The following STK38L variants were observed in gnomAD, a reference collection of about 807,000 sequenced individuals.
STK38L encodes the protein serine/threonine-protein kinase 38-like.
In STK38L, 28 loss-of-function variants were observed where a neutral mutation model predicts 59.7. The ratio of observed to expected loss-of-function variants is 0.47; its 90% CI spans 0.35 to 0.64. STK38L has a LOEUF of 0.64. Among genes scored for constraint, STK38L ranks in the 30% least tolerant of loss-of-function variants. The pLI, the probability that STK38L is intolerant of heterozygous loss-of-function variation, is 0.01. For synonymous variants in STK38L, 162 were observed against 176.8 expected (o/e 0.92, Z 0.66); for missense variants, 314 against 555.8 (o/e 0.56, Z 4.37).
chr12:27,318,070 G>A (rs947767575), intron 11 of STK38L, 51 bp downstream of exon 11: 8 of 1,602,588 alleles, frequency 5.0e-6, no homozygotes, highest in Non-Finnish European at 6.8e-6. Context: ...AACTTCCTAA[G>A]AACCTAAAAG....
chr12:27,325,499 G>C lies in STK38L; in HGVS notation c.*3044G>C, dbSNP rs1944819688. 1 of 152,110 alleles carries C rather than the reference G, an allele frequency of 6.6e-6. No individual in the cohort carries two copies. Among genetic ancestry groups the C allele is most frequent in the Non-Finnish European group, 1.5e-5 (1 of 67,994 alleles). 9.4% of individuals were successfully genotyped at this position (152,110 alleles called of 1,614,324 possible). A position where few individuals can be genotyped will look rare whatever the true frequency, so the allele number is the denominator to read the frequency against. ...TTGCTGATCTACAAATAAATGAATT[G>C]AGAATTTAGTCCATAGAGGTCCCTG... On this transcript the variant is annotated 3_prime_UTR_variant, in exon 14 of 14. Coordinates refer to ENST00000389032, the MANE Select transcript of STK38L (RefSeq NM_015000.4).
At chr12:27,282,385 A>T (rs1454491193) in intron 1 of STK38L, among the ~76,000 whole-genome samples, 1 of 152,224 alleles carries the variant, frequency 6.6e-6, no homozygotes, top group African/African-American at 2.4e-5. Context: ...TTGTTCAATT[A>T]TAGTTGGAAT....
intron 7 of STK38L, 54 bp from the exon 8 acceptor site, chr12:27,314,961 A>C (rs1048216573): frequency 1.5e-6 from 2 of 1,377,628 alleles, no homozygotes; most frequent in Admixed American, 4.4e-5. Flanking sequence ...GTTTATAACA[A>C]GGCTTTTTGT....
rs1003770886 is a variant in STK38L at position 27,308,092 on chromosome 12, A to G, written c.187-247A>G. Among the ~76,000 whole-genome samples the G allele has an allele frequency of 1.4e-5, 1 of 73,092 alleles. No individual in the cohort carries two copies. The highest frequency in any genetic ancestry group is 5.7e-5 in the African/African-American group (1 of 17,622). 48.0% of individuals were successfully genotyped at this position (73,092 alleles called of 152,430 possible). A position where few individuals can be genotyped will look rare whatever the true frequency, so the allele number is the denominator to read the frequency against. ...TACCATATAGATGAAAGAATAAGTTATACATATATATATATATAGACAAAT... is the reference window on the plus strand; with the variant it reads ...TACCATATAGATGAAAGAATAAGTTGTACATATATATATATATAGACAAAT... On this transcript the variant is annotated intron_variant, in intron 3 of 13. Transcript: ENST00000389032. The surrounding 1 kb of genome is among the most constrained non-coding windows in gnomAD (Gnocchi z 4.5).
At chr12:27,251,356 A>G (rs558875969) in intron 1 of STK38L, among the ~76,000 whole-genome samples, 1 of 152,250 alleles carries the variant, frequency 6.6e-6, no homozygotes, top group South Asian at 2.1e-4. Flanking sequence ...GTTTTTACAC[A>G]TTTCCTTACT....
At chr12:27,311,356 C>T (rs1271128037) in intron 5 of STK38L, among the ~76,000 whole-genome samples, 3 of 152,208 alleles carry the variant, frequency 2.0e-5, no homozygotes, top group Non-Finnish European at 4.4e-5. Flanking sequence ...ATTTACTGCA[C>T]TAGGAGTAAT....
intron 5 of STK38L, among the ~76,000 whole-genome samples, chr12:27,310,775 GCCTC>G (rs1944436003): frequency 6.6e-6 from 1 of 152,140 alleles, no homozygotes; most frequent in Non-Finnish European, 1.5e-5. Flanking sequence ...AAGTTAAGGA[GCCTC>G]TGGACCACTG....
rs561430097 is a variant in STK38L at position 27,318,740 on chromosome 12, C to T, written c.1080-588C>T. 7.2e-5 allele frequency among the ~76,000 whole-genome samples: 11 copies of T among 152,210 alleles called. No individual in the cohort carries two copies. The South Asian group carries it at 2.3e-3, about 32-fold the overall frequency. ...GGCACAGCAGCTCATGCCTGGAATCCCAACACTCTGGGAGGCCGAGTTGGG... is the reference window on the plus strand; with the variant it reads ...GGCACAGCAGCTCATGCCTGGAATCTCAACACTCTGGGAGGCCGAGTTGGG... On this transcript the variant is annotated intron_variant, in intron 11 of 13. Coordinates refer to ENST00000389032, the MANE Select transcript of STK38L (RefSeq NM_015000.4).
At chr12:27,299,154 C>T (rs1340033305) in intron 2 of STK38L, among the ~76,000 whole-genome samples, 1 of 152,160 alleles carries the variant, frequency 6.6e-6, no homozygotes, top group Admixed American at 6.6e-5. Context: ...AATGTTGCCT[C>T]TGAAATTTCA....
Position 27,259,772 on chromosome 12 carries a change from C to T in STK38L, c.-12+15440C>T, listed in dbSNP as rs1031502857. 1.2e-4 allele frequency among the ~76,000 whole-genome samples: 18 copies of T among 152,170 alleles called. 1 individual carries two copies. The highest frequency in any genetic ancestry group is 1.9e-4 in the East Asian group (1 of 5,180). On this transcript the variant is annotated intron_variant, in intron 1 of 13. Coordinates refer to ENST00000389032, the MANE Select transcript of STK38L (RefSeq NM_015000.4). ...AAATTCAAAAGTCCTTTTTGTAGCCCTTGCTGATTTTCTTAAGTTCAGCTC... is the reference window on the plus strand; with the variant it reads ...AAATTCAAAAGTCCTTTTTGTAGCCTTTGCTGATTTTCTTAAGTTCAGCTC...
At chr12:27,280,574 A>G (rs999021419) in intron 1 of STK38L, among the ~76,000 whole-genome samples, 2 of 152,156 alleles carry the variant, frequency 1.3e-5, no homozygotes, top group Admixed American at 1.3e-4. Context: ...GAACCCATCT[A>G]GATGCACCTT....
chr12:27,319,765 CTTAA>C (rs987442646), intron 12 of STK38L, among the ~76,000 whole-genome samples: 1 of 152,184 alleles, frequency 6.6e-6, no homozygotes, highest in African/African-American at 2.4e-5. Flanking sequence ...ATACTGTCTC[CTTAA>C]TTAATTTATA....
intron 3 of STK38L, among the ~76,000 whole-genome samples, chr12:27,303,732 A>T (rs1453015166): frequency 6.6e-6 from 1 of 152,170 alleles, no homozygotes; most frequent in East Asian, 1.9e-4. Flanking sequence ...TCATAGAAGA[A>T]GTAATAATTG....
intron 7 of STK38L, 136 bp from the exon 8 acceptor site, chr12:27,314,879 T>A: frequency 1.1e-6 from 1 of 871,128 alleles, no homozygotes; most frequent in Non-Finnish European, 1.7e-6. Context: ...CATCAGATAC[T>A]TAAAATTTTA....
intron 5 of STK38L, 101 bp from the exon 6 acceptor site, chr12:27,312,448 C>A: frequency 7.7e-7 from 1 of 1,290,348 alleles, no homozygotes; most frequent in Non-Finnish European, 1.1e-6. Flanking sequence ...GAAACTCCAT[C>A]TTTCCTTCAT....
At chr12:27,294,895 A>T (rs1399924298) in intron 1 of STK38L, among the ~76,000 whole-genome samples, 1 of 151,416 alleles carries the variant, frequency 6.6e-6, no homozygotes, top group Admixed American at 6.6e-5. Context: ...AAAAAAAAAA[A>T]TTGTAGAGAT....
Position 27,279,829 on chromosome 12 carries a change from AG to A in STK38L, c.-11-17880del, listed in dbSNP as rs1565534389. Among the ~76,000 whole-genome samples, 3 of 151,926 alleles carry A rather than the reference AG, an allele frequency of 2.0e-5. No individual in the cohort carries two copies. The South Asian group carries it at 6.2e-4, about 32-fold the overall frequency. ...TTTTATAAAGAGCTTGATGCTTTCT[AG>A]AACAACATACTCTAAAAAGGGAAGC... On this transcript the variant is annotated intron_variant, in intron 1 of 13. Coordinates refer to ENST00000389032, the MANE Select transcript of STK38L (RefSeq NM_015000.4).
At chr12:27,255,979 C>T (rs1217834939) in intron 1 of STK38L, among the ~76,000 whole-genome samples, 3 of 152,156 alleles carry the variant, frequency 2.0e-5, no homozygotes, top group East Asian at 1.9e-4. Flanking sequence ...CAGTGCATGG[C>T]GTTGTTCTCT....
chr12:27,263,127 C>T (rs1425995734), intron 1 of STK38L, among the ~76,000 whole-genome samples: 1 of 152,100 alleles, frequency 6.6e-6, no homozygotes, highest in Non-Finnish European at 1.5e-5. Flanking sequence ...GTCTCTCTCA[C>T]CTTGTATTTA....
Sources: gnomAD v4.1 joint callset for allele counts (sites outside exome capture counted in the v4.1 genomes callset) on GRCh38, gnomAD v4.1.1 for gene constraint, Gnocchi (gnomAD v3.1) non-coding constraint, MANE v1.5 for transcripts, NCBI Gene and HGNC (gene_info 2026-07-23, HGNC 2026-07-21) for gene names.